The following KCND3 variants were observed in gnomAD, a reference collection of about 807,000 sequenced individuals.
KCND3 encodes the protein A-type voltage-gated potassium channel KCND3.
In KCND3, 9 loss-of-function variants were observed where a neutral mutation model predicts 51.1. The ratio of observed to expected loss-of-function variants is 0.18; its 90% confidence interval spans 0.11 to 0.31. The LOEUF (loss-of-function observed/expected upper bound fraction) is 0.31. Ranked by LOEUF, KCND3 falls within the 10% of genes least tolerant of loss-of-function variation. The pLI is 1.00. For synonymous variants in KCND3, 349 were observed against 368.0 expected (o/e 0.95, Z 0.59); for missense variants, 526 against 903.8 (o/e 0.58, Z 5.36).
At chr1:111,778,048 A>G (rs1664206615) in intron 6 of KCND3, among the ~76,000 whole-genome samples, 1 of 152,162 alleles carries the variant, frequency 6.6e-6, no homozygotes, top group South Asian at 2.1e-4. Flanking sequence ...CAGAGTGAGG[A>G]GAAAGTCTGA....
intron 2 of KCND3, among the ~76,000 whole-genome samples, chr1:111,880,890 T>A (rs996544157): frequency 3.3e-5 from 5 of 152,160 alleles, no homozygotes; most frequent in African/African-American, 9.7e-5. Flanking sequence ...CCGTTTTTTT[T>A]AATAAAGGAA....
At chr1:111,798,719 C>T (rs1425793078) in intron 2 of KCND3, among the ~76,000 whole-genome samples, 2 of 151,316 alleles carry the variant, frequency 1.3e-5, no homozygotes, top group African/African-American at 4.9e-5. Context: ...ACAGGATGGG[C>T]ACTCAAGACA....
intron 2 of KCND3, among the ~76,000 whole-genome samples, chr1:111,855,691 C>T (rs979610712): frequency 2.0e-5 from 3 of 152,108 alleles, no homozygotes; most frequent in Non-Finnish European, 2.9e-5. Context: ...TTTTCCATAA[C>T]CCCCTGCTGC....
intron 2 of KCND3, among the ~76,000 whole-genome samples, chr1:111,868,204 G>A (rs1210845889): frequency 6.6e-6 from 1 of 152,186 alleles, no homozygotes; most frequent in Non-Finnish European, 1.5e-5. Context: ...GCTCTGAGTG[G>A]TGTGATGAAA....
intron 2 of KCND3, among the ~76,000 whole-genome samples, chr1:111,953,570 C>T (rs753995542): frequency 3.3e-5 from 5 of 152,192 alleles, no homozygotes; most frequent in Non-Finnish European, 5.9e-5. Context: ...AGAAGACAAG[C>T]GGAGAACCTG....
intron 2 of KCND3, among the ~76,000 whole-genome samples, chr1:111,959,555 C>T (rs575857839): frequency 9.9e-5 from 15 of 152,200 alleles, no homozygotes; most frequent in East Asian, 3.9e-4. Flanking sequence ...AAACTGTAGA[C>T]GCTTTAACTT....
chr1:111,842,619 C>T (rs1667377172), intron 2 of KCND3, among the ~76,000 whole-genome samples: 2 of 152,330 alleles, frequency 1.3e-5, no homozygotes, highest in East Asian at 1.9e-4. Context: ...GGGAGCTCCA[C>T]GGAGTAGCTA....
intron 2 of KCND3, among the ~76,000 whole-genome samples, chr1:111,799,947 G>C (rs372158047): frequency 6.6e-6 from 1 of 152,128 alleles, no homozygotes; most frequent in Admixed American, 6.5e-5. Flanking sequence ...CTGGCCAGCC[G>C]CCCCGTCCGG....
At position 111,897,781 on chromosome 1, in the gene KCND3, G is replaced by T. The variant is rs6537717; in HGVS notation, c.1106+83840C>A. Among the ~76,000 whole-genome samples the T allele has an allele frequency of 3.8e-3, 572 of 152,330 alleles. 4 individuals are homozygous for T. The highest frequency in any genetic ancestry group is 0.013 in the African/African-American group (534 of 41,568). On this transcript the variant is annotated intron_variant, in intron 2 of 7. Coordinates refer to ENST00000302127, the MANE Select transcript of KCND3 (RefSeq NM_001378969.1). Reference sequence around the variant, plus strand: ...ACATATGTCACATGGGGAGAGGGCAGGAGTGAGTCCCCACAATCAGCTCTT... The same window carrying T: ...ACATATGTCACATGGGGAGAGGGCATGAGTGAGTCCCCACAATCAGCTCTT...
At chr1:111,815,524 A>G (rs1248896860) in intron 2 of KCND3, among the ~76,000 whole-genome samples, 1 of 145,442 alleles carries the variant, frequency 6.9e-6, no homozygotes, top group Non-Finnish European at 1.5e-5. Flanking sequence ...GCCATCCCCC[A>G]GTTGATATCT....
chr1:111,822,610 C>T (rs1003356306), intron 2 of KCND3, among the ~76,000 whole-genome samples: 15 of 152,188 alleles, frequency 9.9e-5, no homozygotes, highest in Admixed American at 2.6e-4. Context: ...CATTAATCCA[C>T]GGATGAACAC....
At chr1:111,804,625 C>T (rs576348491) in intron 2 of KCND3, among the ~76,000 whole-genome samples, 1 of 152,296 alleles carries the variant, frequency 6.6e-6, no homozygotes, top group South Asian at 2.1e-4. Context: ...TGCTCCACTG[C>T]TGGGGAGAGC....
Position 111,985,373 on chromosome 1 carries a change from G to A in KCND3, c.-72-2575C>T, listed in dbSNP as rs181243818. On this transcript the variant is annotated intron_variant, in intron 1 of 7. Coordinates refer to ENST00000302127, the MANE Select transcript of KCND3 (RefSeq NM_001378969.1). ...TGTCTAAAGGATGTAATAAGTAGGC[G>A]GCGCCATTAAACCCAGGCAGTCTCA... is the stretch of plus-strand genomic sequence containing the variant. 3.9e-5 allele frequency among the ~76,000 whole-genome samples: 6 copies of A among 152,292 alleles called. No individual in the cohort carries two copies. In the East Asian group the frequency reaches 7.7e-4, roughly 20 times the overall value.
At chr1:111,913,497 A>G (rs969757974) in intron 2 of KCND3, among the ~76,000 whole-genome samples, 49 of 152,270 alleles carry the variant, frequency 3.2e-4, no homozygotes, top group African/African-American at 1.2e-3. Context: ...AAGCCCTAAA[A>G]TAATCAAACT....
At chr1:111,833,509 T>C (rs1442796694) in intron 2 of KCND3, among the ~76,000 whole-genome samples, 1 of 152,218 alleles carries the variant, frequency 6.6e-6, no homozygotes, top group Admixed American at 6.5e-5. Context: ...CTCAGTTTCT[T>C]AGGAATCATG....
At chr1:111,856,502 G>T (rs1668079159) in intron 2 of KCND3, among the ~76,000 whole-genome samples, 1 of 152,024 alleles carries the variant, frequency 6.6e-6, no homozygotes, top group African/African-American at 2.4e-5. Flanking sequence ...TCGCCTGGTA[G>T]CCTCGGCCTC....
At chr1:111,860,165 A>G (rs375658102) in intron 2 of KCND3, among the ~76,000 whole-genome samples, 3 of 152,378 alleles carry the variant, frequency 2.0e-5, no homozygotes, top group African/African-American at 7.2e-5. Context: ...TTTACTGAGC[A>G]TGTACTTAGT....
intron 2 of KCND3, among the ~76,000 whole-genome samples, chr1:111,924,574 G>C (rs1339195997): frequency 2.0e-5 from 3 of 152,202 alleles, no homozygotes; most frequent in African/African-American, 7.2e-5. Context: ...CAGCACAATG[G>C]CCAAAGGTCC....
chr1:111,867,928 G>A (rs535642194), intron 2 of KCND3, among the ~76,000 whole-genome samples: 1 of 152,226 alleles, frequency 6.6e-6, no homozygotes, highest in African/African-American at 2.4e-5. Context: ...AGGTGACATG[G>A]AGGAAGTCGC....
Sources: gnomAD v4.1 joint callset for allele counts (sites outside exome capture counted in the v4.1 genomes callset) on GRCh38, gnomAD v4.1.1 for gene constraint, MANE v1.5 for transcripts, NCBI Gene and HGNC (gene_info 2026-07-23, HGNC 2026-07-21) for gene names.